The following MITF variants were observed in gnomAD, a reference collection of about 807,000 sequenced individuals.
MITF encodes the protein microphthalmia-associated transcription factor.
Under a neutral mutation model 60.5 loss-of-function variants are expected in MITF, and 17 were observed. That is an observed-to-expected ratio of 0.28 (90% CI 0.19 to 0.42). The LOEUF (loss-of-function observed/expected upper bound fraction) is 0.42, where lower values mean the gene tolerates loss of function less well. MITF is among the 10% of genes least tolerant of loss of function. The pLI, the probability that MITF is intolerant of heterozygous loss-of-function variation, is 1.00. For missense variants in MITF, 622 were observed against 683.5 expected, an observed-to-expected ratio of 0.91 and a Z score of 1.00; for synonymous variants, 260 against 248.5, an observed-to-expected ratio of 1.05 and a Z score of -0.43.
intron 1 of MITF, among the ~76,000 whole-genome samples, chr3:69,857,161 CAAG>C (rs2063932860): frequency 6.6e-6 from 1 of 151,832 alleles, no homozygotes; most frequent in Non-Finnish European, 1.5e-5. Flanking sequence ...GGGGTACAGA[CAAG>C]TAAAGAGGCA....
intron 2 of MITF, among the ~76,000 whole-genome samples, chr3:69,902,302 C>T (rs1172282538): frequency 1.3e-5 from 2 of 151,892 alleles, no homozygotes; most frequent in Non-Finnish European, 2.9e-5. Flanking sequence ...TTAATAAGGC[C>T]ATGACAGCTA....
intron 8 of MITF, among the ~76,000 whole-genome samples, chr3:69,958,616 C>A (rs1013180845): frequency 5.3e-5 from 8 of 151,388 alleles, no homozygotes; most frequent in Non-Finnish European, 7.4e-5. Flanking sequence ...ATGCCATAAA[C>A]AATTTAGTAG....
chr3:69,764,858 C>T (rs968186455), intron 1 of MITF, among the ~76,000 whole-genome samples: 2 of 152,190 alleles, frequency 1.3e-5, no homozygotes, highest in African/African-American at 4.8e-5. Context: ...TTATTTGTGA[C>T]AATTTTGATT....
intron 2 of MITF, among the ~76,000 whole-genome samples, chr3:69,901,897 T>G (rs780065569): frequency 2.0e-5 from 3 of 152,220 alleles, no homozygotes; most frequent in Non-Finnish European, 4.4e-5. Flanking sequence ...TGTGTCACCC[T>G]TGCAATTGGA....
chr3:69,897,259 T>C (rs1453929789), intron 2 of MITF, among the ~76,000 whole-genome samples: 2 of 151,824 alleles, frequency 1.3e-5, no homozygotes, highest in East Asian at 1.9e-4. Flanking sequence ...CAGTTGGAGG[T>C]GGGGAGGCGA....
chr3:69,782,977 A>C (rs2106882503), intron 1 of MITF, among the ~76,000 whole-genome samples: 1 of 152,300 alleles, frequency 6.6e-6, no homozygotes, highest in Middle Eastern at 3.4e-3. Context: ...ATAATTTCCT[A>C]CTAGTGATAA....
intron 1 of MITF, among the ~76,000 whole-genome samples, chr3:69,870,505 G>T (rs919047127): frequency 4.7e-5 from 7 of 148,902 alleles, no homozygotes; most frequent in Non-Finnish European, 8.9e-5. Context: ...CGGGATATCC[G>T]CTCACTGCAA....
chr3:69,885,299 G>A lies in MITF; in HGVS notation c.354+5916G>A, dbSNP rs181513805. On this transcript the variant is annotated intron_variant, in intron 2 of 9. Transcript: ENST00000352241. The stretch of plus-strand genomic sequence containing the variant: ...AGAGACACCTGTTTGGCTCCTCCTC[G>A]TTTTCTCCTGTTAGAGGAGGCTATA... Among the ~76,000 whole-genome samples, 49 of 152,122 alleles carry A rather than the reference G, an allele frequency of 3.2e-4. 1 individual carries two copies. Among genetic ancestry groups the A allele is most frequent in the South Asian group, 1.7e-3 (8 of 4,820 alleles).
intron 1 of MITF, among the ~76,000 whole-genome samples, chr3:69,768,660 A>C (rs2062340862): frequency 6.6e-6 from 1 of 152,194 alleles, no homozygotes; most frequent in Admixed American, 6.5e-5. Context: ...AGGCAGCAAG[A>C]CTGGTAGACA....
At chr3:69,825,506 A>G (rs1176583862) in intron 1 of MITF, among the ~76,000 whole-genome samples, 1 of 152,166 alleles carries the variant, frequency 6.6e-6, no homozygotes, top group Non-Finnish European at 1.5e-5. Context: ...GGATGAGTTC[A>G]GTTTCTGGGG....
chr3:69,942,409 T>G (rs945624102), intron 5 of MITF, among the ~76,000 whole-genome samples: 6 of 152,124 alleles, frequency 3.9e-5, no homozygotes, highest in African/African-American at 1.4e-4. Flanking sequence ...AAAATAACAC[T>G]TACTTAGGTA....
At chr3:69,864,003 A>G (rs748641042) in intron 1 of MITF, among the ~76,000 whole-genome samples, 6 of 152,244 alleles carry the variant, frequency 3.9e-5, no homozygotes, top group Admixed American at 2.0e-4. Context: ...AGATTGGTCA[A>G]TATTAATACA....
intron 1 of MITF, among the ~76,000 whole-genome samples, chr3:69,855,478 CT>C (rs1338158825): frequency 2.0e-5 from 3 of 151,660 alleles, no homozygotes; most frequent in Admixed American, 2.0e-4. Context: ...ATGATAGGGC[CT>C]TTTGACCTCT....
intron 1 of MITF, among the ~76,000 whole-genome samples, chr3:69,769,198 AAAT>A (rs1228768762): frequency 3.3e-5 from 5 of 152,124 alleles, no homozygotes; most frequent in African/African-American, 9.7e-5. Context: ...CTTATCTGTA[AAAT>A]AATAATAACA....
intron 1 of MITF, among the ~76,000 whole-genome samples, chr3:69,754,495 G>C (rs1559610165): frequency 6.6e-6 from 1 of 152,098 alleles, no homozygotes; most frequent in Non-Finnish European, 1.5e-5. Flanking sequence ...CTTCCACCAT[G>C]TGAGATGGCT....
intron 1 of MITF, among the ~76,000 whole-genome samples, chr3:69,833,752 G>A (rs2063493572): frequency 6.6e-6 from 1 of 152,200 alleles, no homozygotes. Context: ...TACACTATAT[G>A]TGATGGTTTT....
chr3:69,749,628 C>T (rs2106763821), intron 1 of MITF, among the ~76,000 whole-genome samples: 1 of 152,302 alleles, frequency 6.6e-6, no homozygotes, highest in South Asian at 2.1e-4. Flanking sequence ...GAAGAGTTTA[C>T]AATAGCTTAT....
chr3:69,844,128 T>C (rs2063689029), intron 1 of MITF, among the ~76,000 whole-genome samples: 1 of 152,226 alleles, frequency 6.6e-6, no homozygotes, highest in Non-Finnish European at 1.5e-5. Flanking sequence ...TACATTTTCT[T>C]TATCCAGTCT....
At chr3:69,811,347 C>T (rs901257650) in intron 1 of MITF, among the ~76,000 whole-genome samples, 8 of 152,070 alleles carry the variant, frequency 5.3e-5, no homozygotes, top group South Asian at 2.1e-4. Flanking sequence ...GATAGGTTTC[C>T]GAGCAAAATA....
Sources: gnomAD v4.1 joint callset for allele counts (sites outside exome capture counted in the v4.1 genomes callset) on GRCh38, gnomAD v4.1.1 for gene constraint, MANE v1.5 for transcripts, NCBI Gene and HGNC (gene_info 2026-07-23, HGNC 2026-07-21) for gene names.